The following DGKB variants were observed in gnomAD, a reference collection of about 807,000 sequenced individuals.
DGKB encodes 90 kDa diacylglycerol kinase.
Under a neutral mutation model 114.3 loss-of-function variants are expected in DGKB, and 67 were observed. The observed-to-expected ratio is 0.59, with a 90% CI of 0.48 to 0.72. The LOEUF (loss-of-function observed/expected upper bound fraction) is 0.72, where lower values mean the gene tolerates loss of function less well. DGKB is among the 30% of genes least tolerant of loss of function. DGKB has a pLI of 0.00. For missense variants in DGKB, 907 were observed against 975.2 expected, an observed-to-expected ratio of 0.93 and a Z score of 0.93; for synonymous variants, 398 against 323.1, an observed-to-expected ratio of 1.23 and a Z score of -2.49.
intron 1 of DGKB, among the ~76,000 whole-genome samples, chr7:14,930,391 T>C (rs1051464574): frequency 2.6e-5 from 4 of 152,180 alleles, no homozygotes; most frequent in Non-Finnish European, 5.9e-5. Flanking sequence ...ATTCTTTTAA[T>C]CAGTGTTTTG....
intron 21 of DGKB, among the ~76,000 whole-genome samples, chr7:14,360,576 C>T (rs993851573): frequency 4.6e-5 from 7 of 151,906 alleles, no homozygotes; most frequent in Non-Finnish European, 1.0e-4. Flanking sequence ...ACTTCAAAGA[C>T]AGCTCAGATT....
intron 23 of DGKB, among the ~76,000 whole-genome samples, chr7:14,190,038 A>G (rs1391845420): frequency 1.3e-5 from 2 of 152,170 alleles, no homozygotes; most frequent in Admixed American, 6.6e-5. Context: ...ACTGCACCAT[A>G]GACCAAATGG....
intron 21 of DGKB, among the ~76,000 whole-genome samples, chr7:14,389,907 G>T (rs1038861507): frequency 6.6e-6 from 1 of 152,104 alleles, no homozygotes; most frequent in African/African-American, 2.4e-5. Flanking sequence ...ACATTTAAAT[G>T]GACTACATCC....
intron 13 of DGKB, among the ~76,000 whole-genome samples, chr7:14,663,636 CCCTTCCTT>C (rs1156643497): frequency 2.1e-5 from 3 of 145,110 alleles, no homozygotes; most frequent in African/African-American, 5.1e-5. Context: ...CTCCCTTCCT[CCCTTCCTT>C]CCTTCCCTCC....
intron 13 of DGKB, among the ~76,000 whole-genome samples, chr7:14,641,147 G>A (rs1419172731): frequency 1.3e-5 from 2 of 151,500 alleles, no homozygotes; most frequent in Non-Finnish European, 2.9e-5. Flanking sequence ...GCCAACACTG[G>A]GTATTATCAT....
At chr7:14,212,658 A>G (rs1562635275) in intron 23 of DGKB, among the ~76,000 whole-genome samples, 1 of 152,074 alleles carries the variant, frequency 6.6e-6, no homozygotes. Flanking sequence ...GCTTAGAGTA[A>G]ATCAGTTTCC....
intron 17 of DGKB, among the ~76,000 whole-genome samples, chr7:14,586,759 T>C (rs942743329): frequency 2.6e-5 from 4 of 151,958 alleles, no homozygotes; most frequent in Non-Finnish European, 5.9e-5. Flanking sequence ...ACTCTACCTG[T>C]GCACTATAAA....
rs80203936 is a variant in DGKB, at chr7:14,157,952, T to C, written c.2305-8714A>G. On this transcript the variant is annotated intron_variant, in intron 25 of 25. Coordinates refer to ENST00000402815, the MANE Select transcript of DGKB (RefSeq NM_001350709.2). ...ACTGAGTAATATTTCAACTAAAATT[T>C]TCTATATGGCCTTTTTCACGTAGTA... Among the ~76,000 whole-genome samples, 1,417 of 152,308 alleles carry C rather than the reference T, an allele frequency of 9.3e-3. 22 individuals carry two copies. The highest frequency in any genetic ancestry group is 0.032 in the African/African-American group (1,349 of 41,568).
At chr7:14,517,766 C>G (rs2128557051) in intron 20 of DGKB, among the ~76,000 whole-genome samples, 1 of 152,148 alleles carries the variant, frequency 6.6e-6, no homozygotes, top group African/African-American at 2.4e-5. Flanking sequence ...GAGATACCAT[C>G]CCATACCAGT....
chr7:14,196,715 C>T (rs1193005883), intron 23 of DGKB, among the ~76,000 whole-genome samples: 1 of 151,846 alleles, frequency 6.6e-6, no homozygotes, highest in Non-Finnish European at 1.5e-5. Flanking sequence ...TTGCAACTTA[C>T]TACAGTATAA....
chr7:14,792,508 G>C (rs1249002034), intron 2 of DGKB, among the ~76,000 whole-genome samples: 1 of 151,982 alleles, frequency 6.6e-6, no homozygotes, highest in African/African-American at 2.4e-5. Flanking sequence ...ATCTGCTTTG[G>C]GCAAAATGAA....
intron 21 of DGKB, among the ~76,000 whole-genome samples, chr7:14,359,726 A>T (rs1815323196): frequency 6.6e-6 from 1 of 152,194 alleles, no homozygotes; most frequent in African/African-American, 2.4e-5. Flanking sequence ...AATGCTCATC[A>T]CTGGTCATCA....
Position 14,787,612 on chromosome 7 carries a change from G to A in DGKB, c.71-29881C>T, listed in dbSNP as rs1297128079. The stretch of plus-strand genomic sequence containing the variant: ...CATTTTTAAAATTCTTAAAGGTGAA[G>A]TGTGGTCGGGGTAACAGTTTAGTCT... On this transcript the variant is annotated intron_variant, in intron 2 of 25. Transcript: ENST00000402815. Among the ~76,000 whole-genome samples the A allele has an allele frequency of 3.9e-5, 6 of 152,192 alleles. No individual in the cohort carries two copies. The East Asian group carries it at 1.2e-3, about 29-fold the overall frequency.
chr7:14,230,761 A>T (rs1218667019), intron 23 of DGKB, among the ~76,000 whole-genome samples: 1 of 151,976 alleles, frequency 6.6e-6, no homozygotes, highest in African/African-American at 2.4e-5. Context: ...ACTTTCTATA[A>T]AGAACCATTC....
At chr7:14,580,760 C>T in intron 19 of DGKB, 102 bp downstream of exon 19, 1 of 742,898 alleles carries the variant, frequency 1.3e-6, no homozygotes, top group Non-Finnish European at 2.2e-6. Flanking sequence ...CAGTTATCTT[C>T]ACTGAAATCA....
chr7:14,153,010 G>C (rs1239211283), intron 25 of DGKB, among the ~76,000 whole-genome samples: 2 of 152,068 alleles, frequency 1.3e-5, no homozygotes, highest in Non-Finnish European at 2.9e-5. Flanking sequence ...AACTGAAGTA[G>C]AATTTCATAA....
chr7:14,613,630 G>T (rs868349440), intron 15 of DGKB, among the ~76,000 whole-genome samples: 2 of 151,826 alleles, frequency 1.3e-5, no homozygotes, highest in African/African-American at 4.8e-5. Flanking sequence ...ACAAAGAAAG[G>T]CATGCCTATC....
At chr7:14,528,251 C>T (rs947680609) in intron 20 of DGKB, among the ~76,000 whole-genome samples, 5 of 152,026 alleles carry the variant, frequency 3.3e-5, no homozygotes, top group African/African-American at 9.7e-5. Flanking sequence ...ATAAAATAGC[C>T]CATTCTCTCA....
chr7:14,315,342 T>A (rs1353570611), intron 23 of DGKB, among the ~76,000 whole-genome samples: 2 of 149,314 alleles, frequency 1.3e-5, no homozygotes, highest in African/African-American at 4.9e-5. Context: ...ACTGGCAAAT[T>A]GGATAAAGAG....
Sources: gnomAD v4.1 joint callset for allele counts (sites outside exome capture counted in the v4.1 genomes callset) on GRCh38, gnomAD v4.1.1 for gene constraint, MANE v1.5 for transcripts, NCBI Gene and HGNC (gene_info 2026-07-23, HGNC 2026-07-21) for gene names.